The following DCDC2 variants were observed in gnomAD, a reference collection of about 807,000 sequenced individuals.
DCDC2 encodes the protein doublecortin domain containing 2.
A neutral mutation model predicts 50.2 loss-of-function variants in DCDC2; 40 were observed. That is an observed-to-expected ratio of 0.80 (90% CI 0.62 to 1.04). The LOEUF is 1.04. Among genes scored for constraint, DCDC2 ranks in the 50% least tolerant of loss-of-function variants. The pLI is 0.00. For synonymous variants in DCDC2, 234 were observed against 210.6 expected (o/e 1.11, Z -0.96); for missense variants, 570 against 581.9 (o/e 0.98, Z 0.21).
At chr6:24,208,339 C>G (rs12153942) in intron 7 of DCDC2, among the ~76,000 whole-genome samples, 31,535 of 148,920 alleles carry the variant, frequency 0.21, 3,748 homozygotes, top group East Asian at 0.4. Flanking sequence ...CAAAACAGAA[C>G]CAACAGCTCC....
intron 8 of DCDC2, among the ~76,000 whole-genome samples, chr6:24,183,808 A>T (rs1438484994): frequency 3.3e-5 from 5 of 152,194 alleles, no homozygotes; most frequent in African/African-American, 1.2e-4. Flanking sequence ...AGATGCGTAA[A>T]CAAATCACAT....
chr6:24,209,516 A>G (rs535340619), intron 7 of DCDC2, among the ~76,000 whole-genome samples: 9 of 152,302 alleles, frequency 5.9e-5, no homozygotes, highest in Non-Finnish European at 1.2e-4. Context: ...GTGTTACTAC[A>G]TACTAATGTC....
chr6:24,298,837 A>C (rs1205752218), intron 4 of DCDC2, among the ~76,000 whole-genome samples: 1 of 152,238 alleles, frequency 6.6e-6, no homozygotes, highest in African/African-American at 2.4e-5. Flanking sequence ...ACTCTTTGGA[A>C]GGCAATTGGC....
At chr6:24,267,757 C>T (rs982842476) in intron 7 of DCDC2, among the ~76,000 whole-genome samples, 1 of 152,150 alleles carries the variant, frequency 6.6e-6, no homozygotes, top group Non-Finnish European at 1.5e-5. Flanking sequence ...AGGCTGGAAC[C>T]AAAGGTCTGA....
the DCDC2 span, among the ~76,000 whole-genome samples, chr6:24,371,184 G>A: frequency 6.6e-6 from 1 of 151,364 alleles, no homozygotes; most frequent in East Asian, 1.9e-4. Flanking sequence ...GGCTGAGGCG[G>A]GAGAATCGTG....
At chr6:24,255,370 GAAA>G (rs10709872) in intron 7 of DCDC2, among the ~76,000 whole-genome samples, 2 of 138,430 alleles carry the variant, frequency 1.4e-5, no homozygotes, top group African/African-American at 2.6e-5. Flanking sequence ...TCATAGCACT[GAAA>G]AAAAAAAAAG....
At chr6:24,381,819 G>GAAGGAAGT in the DCDC2 span, among the ~76,000 whole-genome samples, 1 of 120,022 alleles carries the variant, frequency 8.3e-6, no homozygotes, top group South Asian at 3.2e-4. Flanking sequence ...AGGAAGGAAG[G>GAAGGAAGT]AAGGAAGGAA....
intron 7 of DCDC2, among the ~76,000 whole-genome samples, chr6:24,210,056 C>G (rs10946688): frequency 0.051 from 5,849 of 114,220 alleles, 254 homozygotes; most frequent in African/African-American, 0.16. Context: ...GTGTGTGTGT[C>G]TGTCTGTCTG....
intron 7 of DCDC2, among the ~76,000 whole-genome samples, chr6:24,271,385 T>C (rs1249647880): frequency 6.6e-6 from 1 of 151,964 alleles, no homozygotes; most frequent in Non-Finnish European, 1.5e-5. Flanking sequence ...GTAGCATCTA[T>C]GAAAAGGGAG....
intron 2 of DCDC2, among the ~76,000 whole-genome samples, chr6:24,308,729 A>G (rs1759520153): frequency 6.6e-6 from 1 of 152,222 alleles, no homozygotes; most frequent in Admixed American, 6.5e-5. Flanking sequence ...TAGCCCAGAA[A>G]TTGAAACTCT....
At position 24,278,162 on chromosome 6, in the gene DCDC2, G is replaced by C; in HGVS notation, c.809C>G (p.Ser270Cys). ...CCCTTTCCTCTTCAGGGGCTGAGGA[G>C]ATGAGTTGTCACTGGATCCAACTGT... ...KSTVGSSDNSSPQPLKRKGKK... is the reference protein window; with the variant it reads ...KSTVGSSDNSCPQPLKRKGKK... Residue 270 changes from serine (S) to cysteine (C), a missense_variant, in exon 7 of 10, where the codon TCT becomes TGT. Physicochemically the swap from Ser to Cys is moderately radical, Grantham distance 112. Transcript: ENST00000378454. The C allele has an allele frequency of 6.2e-7, 1 of 1,613,728 alleles. No individual in the cohort carries two copies. Among genetic ancestry groups the C allele is most frequent in the Non-Finnish European group, 8.5e-7 (1 of 1,179,890 alleles).
chr6:24,237,253 T>A (rs1762464458), intron 7 of DCDC2, among the ~76,000 whole-genome samples: 1 of 151,506 alleles, frequency 6.6e-6, no homozygotes, highest in African/African-American at 2.4e-5. Flanking sequence ...AGAAAAAAAA[T>A]ACCTGTTGCG....
chr6:24,374,559 A>T, the DCDC2 span, among the ~76,000 whole-genome samples: 24 of 137,920 alleles, frequency 1.7e-4, no homozygotes, highest in Admixed American at 5.5e-4. Context: ...AGCCTGGGAG[A>T]CACAGCAAGA....
chr6:24,349,029 T>A (rs1198898143), intron 2 of DCDC2, among the ~76,000 whole-genome samples: 1 of 152,240 alleles, frequency 6.6e-6, no homozygotes, highest in African/African-American at 2.4e-5. Flanking sequence ...TTTAAGAATG[T>A]CATTAATTCC....
intron 8 of DCDC2, among the ~76,000 whole-genome samples, chr6:24,203,496 T>G (rs1087294): frequency 0.62 from 94,327 of 151,986 alleles, 30,519 homozygotes; most frequent in Non-Finnish European, 0.69. Flanking sequence ...TAAGATGGAT[T>G]AAAGACTTAA....
intron 6 of DCDC2, among the ~76,000 whole-genome samples, chr6:24,282,934 C>T (rs2113823468): frequency 6.6e-6 from 1 of 152,272 alleles, no homozygotes; most frequent in African/African-American, 2.4e-5. Context: ...ATGTGTATAA[C>T]TTGCTTCACA....
chr6:24,220,862 C>CAGAGCG (rs1554146284), intron 7 of DCDC2, among the ~76,000 whole-genome samples: 36 of 5,288 alleles, frequency 6.8e-3, no homozygotes, highest in Non-Finnish European at 2.4e-3. Flanking sequence ...AGGAGAGAGA[C>CAGAGCG]AGAGAGCAAG....
At chr6:24,238,401 C>T (rs902243198) in intron 7 of DCDC2, among the ~76,000 whole-genome samples, 9 of 151,244 alleles carry the variant, frequency 6.0e-5, no homozygotes, top group Admixed American at 5.3e-4. Flanking sequence ...CGGGTTCAAG[C>T]GATTATCATG....
intron 2 of DCDC2, among the ~76,000 whole-genome samples, chr6:24,318,679 GTTACGC>G (rs1759715514): frequency 6.6e-6 from 1 of 151,948 alleles, no homozygotes; most frequent in Admixed American, 6.6e-5. Flanking sequence ...TGTCTGAGTA[GTTACGC>G]TTAAGATAAT....
Sources: gnomAD v4.1 joint callset for allele counts (sites outside exome capture counted in the v4.1 genomes callset) on GRCh38, gnomAD v4.1.1 for gene constraint, MANE v1.5 for transcripts, NCBI Gene and HGNC (gene_info 2026-07-23, HGNC 2026-07-21) for gene names.